MEF2A: variants seen among roughly 807,000 people sequenced by gnomAD.
MEF2A encodes the protein myocyte enhancer factor 2A, also known as myocyte-specific enhancer factor 2A.
MEF2A carries 28 observed loss-of-function variants against 55.8 expected under a neutral mutation model. That is an observed-to-expected ratio of 0.50 (90% confidence interval 0.37 to 0.69). The LOEUF (loss-of-function observed/expected upper bound fraction) is 0.69, where lower values mean the gene tolerates loss of function less well. Among genes scored for constraint, MEF2A ranks in the 30% least tolerant of loss-of-function variants. MEF2A has a pLI of 0.00. For missense variants in MEF2A, 528 were observed against 626.2 expected (o/e 0.84, Z 1.67); for synonymous variants, 239 against 227.1 (o/e 1.05, Z -0.47).
chr15:99,641,511 C>G (rs528637957), intron 3 of MEF2A, among the ~76,000 whole-genome samples: 1 of 152,156 alleles, frequency 6.6e-6, no homozygotes, highest in African/African-American at 2.4e-5. Flanking sequence ...ATCACGAGGT[C>G]AGGAGATCGA....
intron 9 of MEF2A, among the ~76,000 whole-genome samples, chr15:99,703,656 T>C (rs1038455651): frequency 3.1e-5 from 2 of 65,074 alleles, no homozygotes; most frequent in South Asian, 1.5e-3. Flanking sequence ...ACTTGTTAAT[T>C]TTTTTTTTAA....
At chr15:99,679,534 A>G (rs1467894956) in intron 7 of MEF2A, among the ~76,000 whole-genome samples, 1 of 152,266 alleles carries the variant, frequency 6.6e-6, no homozygotes, top group Non-Finnish European at 1.5e-5. Context: ...ATGCTTGTGT[A>G]GATAGATGGC....
chr15:99,690,106 C>A, intron 7 of MEF2A, 135 bp from the exon 8 acceptor site: 2 of 779,860 alleles, frequency 2.6e-6, no homozygotes, highest in Non-Finnish European at 4.0e-6. Context: ...GCATTTCGGA[C>A]AAGGGATACT....
At chr15:99,683,740 A>G (rs1019174707) in intron 7 of MEF2A, among the ~76,000 whole-genome samples, 5 of 151,318 alleles carry the variant, frequency 3.3e-5, no homozygotes, top group East Asian at 3.9e-4. Context: ...AATTATTTCA[A>G]TAGTTTTGGG....
intron 7 of MEF2A, among the ~76,000 whole-genome samples, chr15:99,688,576 T>G (rs1383700375): frequency 6.6e-6 from 1 of 152,068 alleles, no homozygotes; most frequent in Non-Finnish European, 1.5e-5. Flanking sequence ...GCTAACACGG[T>G]GAAACCCTGT....
chr15:99,646,603 C>A (rs2046000295), intron 4 of MEF2A, among the ~76,000 whole-genome samples: 1 of 151,954 alleles, frequency 6.6e-6, no homozygotes, highest in Non-Finnish European at 1.5e-5. Flanking sequence ...GTACTGAAAC[C>A]ATGTGAGGAT....
At chr15:99,691,932 G>A (rs1390369524) in intron 8 of MEF2A, among the ~76,000 whole-genome samples, 3 of 152,058 alleles carry the variant, frequency 2.0e-5, no homozygotes, top group Admixed American at 2.0e-4. Context: ...AAGAACAGGA[G>A]AATCTATTTA....
At chr15:99,700,870 A>T (rs902419466) in intron 8 of MEF2A, among the ~76,000 whole-genome samples, 2 of 152,114 alleles carry the variant, frequency 1.3e-5, no homozygotes, top group Non-Finnish European at 2.9e-5. Flanking sequence ...CCAGGGAATA[A>T]AAAACATTGA....
chr15:99,673,629 G>A (rs1473078168), intron 5 of MEF2A, among the ~76,000 whole-genome samples: 1 of 152,128 alleles, frequency 6.6e-6, no homozygotes, highest in African/African-American at 2.4e-5. Context: ...GTGTGTGGAG[G>A]AAATGCAAGA....
Position 99,642,023 on chromosome 15 carries a change from T to C in MEF2A, c.55-3538T>C, listed in dbSNP as rs148145310. Among the ~76,000 whole-genome samples, 286 of 152,348 alleles carry C rather than the reference T, an allele frequency of 1.9e-3. 4 individuals carry two copies. The highest frequency in any genetic ancestry group is 0.017 in the South Asian group (80 of 4,830). ...TCAGCAAGTAATGCTTGTTGGTTTT[T>C]TTGCCCCTAACAAGGGCTTGTAGGT... On this transcript the variant is annotated intron_variant, in intron 3 of 11. Transcript: ENST00000557942.
chr15:99,636,544 G>A (rs1246202545), intron 3 of MEF2A, among the ~76,000 whole-genome samples: 8 of 152,108 alleles, frequency 5.3e-5, no homozygotes, highest in African/African-American at 1.7e-4. Flanking sequence ...ATGGTGTCTC[G>A]CCTAGACTGG....
intron 8 of MEF2A, among the ~76,000 whole-genome samples, chr15:99,699,940 G>A (rs1008796964): frequency 2.0e-5 from 3 of 148,314 alleles, no homozygotes; most frequent in Non-Finnish European, 4.5e-5. Flanking sequence ...GAAGGATTCA[G>A]TAAGAGTTTA....
rs1285670056 is a variant in MEF2A, at chr15:99,713,756, A to AAAAC, written c.*989_*992dup. ...CTCTTTAGTTTTATTTTAAGAGGGG[A>AAAAC]AAACAAAAATATCTTGCAAGCAGAA... On this transcript the variant is annotated 3_prime_UTR_variant, in exon 12 of 12. Transcript: ENST00000557942. The AAAAC allele has an allele frequency of 6.6e-6, 1 of 152,084 alleles. No individual in the cohort carries two copies. Among genetic ancestry groups the AAAAC allele is most frequent in the African/African-American group, 2.4e-5 (1 of 41,402 alleles). 9.4% of individuals were successfully genotyped at this position (152,084 alleles called of 1,614,324 possible).
chr15:99,610,405 T>G (rs1209733186), intron 2 of MEF2A, among the ~76,000 whole-genome samples: 3 of 23,002 alleles, frequency 1.3e-4, no homozygotes, highest in African/African-American at 3.4e-4. Flanking sequence ...CCAGCTGGTC[T>G]CCCCCGCCCC....
chr15:99,570,836 C>T (rs868104372), intron 1 of MEF2A, among the ~76,000 whole-genome samples: 14 of 150,936 alleles, frequency 9.3e-5, no homozygotes, highest in Middle Eastern at 6.8e-3. Context: ...CTTTTGAAGG[C>T]GTATGAGATC....
chr15:99,668,383 A>G (rs1479199627), intron 4 of MEF2A, among the ~76,000 whole-genome samples: 2 of 152,218 alleles, frequency 1.3e-5, no homozygotes, highest in African/African-American at 2.4e-5. Context: ...AAGAAAAGCA[A>G]CTAGGATAAG....
At chr15:99,677,013 C>T (rs543030048) in intron 7 of MEF2A, among the ~76,000 whole-genome samples, 67 of 152,038 alleles carry the variant, frequency 4.4e-4, no homozygotes, top group Non-Finnish European at 7.8e-4. Flanking sequence ...CCCAGCTACT[C>T]AGGAGGCTGA....
intron 9 of MEF2A, among the ~76,000 whole-genome samples, chr15:99,705,587 TCTAAC>T (rs1403373013): frequency 6.6e-6 from 1 of 152,188 alleles, no homozygotes; most frequent in African/African-American, 2.4e-5. Context: ...TCTCACATCT[TCTAAC>T]CTAGGTTAGA....
chr15:99,614,140 G>C lies in MEF2A; in HGVS notation c.-143+15629G>C, dbSNP rs1050443138. Among the ~76,000 whole-genome samples, 7 of 152,176 alleles carry C rather than the reference G, an allele frequency of 4.6e-5. No homozygotes were observed. The East Asian group carries it at 1.3e-3, about 29-fold the overall frequency. ...GGAACAGATGCCATCTACCTCACAG[G>C]GTTATTGTTACTGTTACATGAGATA... On this transcript the variant is annotated intron_variant, in intron 2 of 11. Coordinates refer to ENST00000557942, the MANE Select transcript of MEF2A (RefSeq NM_001319206.4).
Sources: allele counts gnomAD v4.1 joint callset (sites outside exome capture counted in the v4.1 genomes callset), GRCh38; gene constraint gnomAD v4.1.1; transcripts MANE v1.5; gene names NCBI Gene and HGNC (gene_info 2026-07-23, HGNC 2026-07-21).